Variants in UPF3A observed in about 807,000 individuals in gnomAD.
UPF3A encodes the protein UPF3A regulator of nonsense mediated mRNA decay, also known as regulator of nonsense transcripts 3A.
UPF3A carries 42 observed loss-of-function variants against 53.5 expected under a neutral mutation model. The ratio of observed to expected loss-of-function variants is 0.78; its 90% CI spans 0.61 to 1.01. The LOEUF is 1.01. UPF3A is among the 50% of genes least tolerant of loss of function. UPF3A has a pLI of 0.00. For synonymous variants in UPF3A, 237 were observed against 225.3 expected, an observed-to-expected ratio of 1.05 and a Z score of -0.47; for missense variants, 575 against 598.0, an observed-to-expected ratio of 0.96 and a Z score of 0.40.
chr13:114,286,377 C>T lies in UPF3A; in HGVS notation c.497C>T (p.Ala166Val), dbSNP rs1323495748. The T allele has an allele frequency of 6.2e-7, 1 of 1,614,040 alleles. No individual in the cohort carries two copies. Among genetic ancestry groups the T allele is most frequent in the Non-Finnish European group, 8.5e-7 (1 of 1,180,036 alleles). ...AAAAAGAAGCTGAGAAAAAAAGATG[C>T]CAAGACTGGAAGCATCGAAGATGGT... ...IAKKKLRKKDAKTGSIEDDPE... is the reference protein window; with the variant it reads ...IAKKKLRKKDVKTGSIEDDPE... Residue 166 changes from alanine to valine, a missense_variant, in exon 4 of 10, where the codon GCC becomes GTC. By Grantham distance (64) the Ala-to-Val change is moderately conservative (BLOSUM62 0). Around this residue, in one of 2 missense-constraint regions of UPF3A, gnomAD observed 323 missense variants for 415.2 expected, o/e 0.78. Transcript: ENST00000375299.
chr13:114,292,760 T>G (rs987504493), intron 7 of UPF3A, among the ~76,000 whole-genome samples: 1 of 152,166 alleles, frequency 6.6e-6, no homozygotes, highest in Non-Finnish European at 1.5e-5. Flanking sequence ...CTGATGTTTT[T>G]CAGTCTTCAC....
At chr13:114,284,779 G>C (rs758378565) in intron 3 of UPF3A, among the ~76,000 whole-genome samples, 2 of 152,096 alleles carry the variant, frequency 1.3e-5, no homozygotes, top group Non-Finnish European at 2.9e-5. Flanking sequence ...CCTGTAGTGA[G>C]CAAGGGGCCA....
intron 9 of UPF3A, among the ~76,000 whole-genome samples, chr13:114,302,431 C>T (rs949525492): frequency 7.9e-5 from 12 of 152,254 alleles, no homozygotes; most frequent in African/African-American, 2.2e-4. Flanking sequence ...TCTGCACGGA[C>T]GGTGAGCACA....
Position 114,298,990 on chromosome 13 carries a change from C to T in UPF3A, c.997C>T (p.Pro333Ser), listed in dbSNP as rs991010360. Residue 333 changes from proline (P) to serine (S), a missense_variant, in exon 8 of 10, where the codon CCC (proline) becomes TCC (serine). Around this residue, in one of 2 missense-constraint regions of UPF3A, gnomAD observed 323 missense variants for 415.2 expected, o/e 0.78. Transcript: ENST00000375299. ...GCCCATGGAAGGCTCGCTGGAGGAG[C>T]CCCAGGAGACGTGAGCGTGCTTTCA... ...ARPMEGSLEE[P>S]QETSHSGSDK... The T allele has an allele frequency of 1.3e-6, 2 of 1,597,440 alleles. No homozygotes were observed. Among genetic ancestry groups the T allele is most frequent in the Non-Finnish European group, 1.7e-6 (2 of 1,174,862 alleles).
Position 114,287,648 on chromosome 13 carries a change from GTC to G in UPF3A, c.631+1021_631+1022del, listed in dbSNP as rs2084852489. The G allele has an allele frequency of 2.6e-5, 4 of 152,098 alleles. No individual in the cohort carries two copies. The South Asian group carries it at 8.3e-4, about 32-fold the overall frequency. 9.4% of individuals were successfully genotyped at this position (152,098 alleles called of 1,614,324 possible). ...CACATTGTTTATCATTTATTTTCCT[GTC>G]TGTCTCCCACCACATAAACTCCCTT... is the stretch of plus-strand genomic sequence containing the variant. On this transcript the variant is annotated intron_variant, in intron 5 of 9. Coordinates refer to ENST00000375299, the MANE Select transcript of UPF3A (RefSeq NM_023011.4).
intron 8 of UPF3A, 50 bp downstream of exon 8, chr13:114,299,050 C>T (rs750549688): frequency 1.3e-5 from 20 of 1,515,366 alleles, no homozygotes; most frequent in Admixed American, 1.2e-4. Context: ...GTCATGGTGA[C>T]GTAGGCTTTG....
At chr13:114,284,708 A>G (rs908323390) in intron 3 of UPF3A, among the ~76,000 whole-genome samples, 16 of 152,146 alleles carry the variant, frequency 1.1e-4, no homozygotes, top group African/African-American at 3.6e-4. Context: ...CAAAAAAAAA[A>G]AAAGTCACAA....
rs79362298 is a variant in UPF3A at position 114,283,099 on chromosome 13, C to T, written c.421+156C>T. 4,421 of 576,360 alleles carry T rather than the reference C, an allele frequency of 7.7e-3. 78 individuals carry two copies. The highest frequency in any genetic ancestry group is 0.045 in the African/African-American group (2,400 of 52,806). The allele number at this position is 576,360 out of a possible 1,614,324, so 35.7% of individuals were successfully genotyped here. ...GTGCAGCAGCCGCAATCACGGCTCA[C>T]TGCAGCCTCACACTGCGGCTCAAGC... On this transcript the variant is annotated intron_variant, in intron 3 of 9. Transcript: ENST00000375299.
Position 114,298,496 on chromosome 13 carries a change from C to T in UPF3A, c.847-344C>T, listed in dbSNP as rs546921592. Among the ~76,000 whole-genome samples the T allele has an allele frequency of 4.6e-5, 7 of 152,174 alleles. No individual in the cohort carries two copies. The South Asian group carries it at 8.3e-4, about 18-fold the overall frequency. ...CGGAGGCTGCAGTGAGCCGGGAGTG[C>T]GCCACGGCACTTCAGCCTGGGCGAC... is the stretch of plus-strand genomic sequence containing the variant. On this transcript the variant is annotated intron_variant, in intron 7 of 9. Coordinates refer to ENST00000375299, the MANE Select transcript of UPF3A (RefSeq NM_023011.4).
Position 114,291,517 on chromosome 13 carries a change from T to C in UPF3A, c.660T>C (p.Tyr220=), listed in dbSNP as rs2085265974. 1.4e-5 allele frequency: 23 copies of C among 1,609,378 alleles called. No individual in the cohort carries two copies. The highest frequency in any genetic ancestry group is 1.9e-5 in the Non-Finnish European group (22 of 1,178,866). ...GAAGAACCACACCTCTTTTGGAATA[T>C]ATTAAAAATAGAAAATTAGAAAAGC... ...IARRTTPLLE[Y]IKNRKLEKQR... Residue 220 remains tyrosine, a synonymous_variant, in exon 6 of 10, where the codon TAT becomes TAC. Coordinates refer to ENST00000375299, the MANE Select transcript of UPF3A (RefSeq NM_023011.4).
chr13:114,302,346 G>A (rs766492340), intron 9 of UPF3A, among the ~76,000 whole-genome samples: 3 of 152,128 alleles, frequency 2.0e-5, no homozygotes, highest in Non-Finnish European at 4.4e-5. Flanking sequence ...TTTCATGGAG[G>A]TTTCTTCCAC....
chr13:114,282,394 C>T (rs1279109003), intron 2 of UPF3A: 15 of 1,217,512 alleles, frequency 1.2e-5, no homozygotes, highest in South Asian at 2.0e-5. Context: ...AAAGGACCAG[C>T]GTTGCCCGCC....
chr13:114,302,672 G>C (rs896903883), intron 9 of UPF3A, among the ~76,000 whole-genome samples: 1 of 152,166 alleles, frequency 6.6e-6, no homozygotes, highest in African/African-American at 2.4e-5. Context: ...CTGCCTCTGT[G>C]ATTTTGTCAT....
chr13:114,304,928 G>T lies in UPF3A; in HGVS notation c.*11G>T. ...GAAGAGGCAGAGTGAGTCACTGCAC[G>T]CACCTGGCCTCCATGGACGAGCAAG... is the stretch of plus-strand genomic sequence containing the variant. On this transcript the variant is annotated 3_prime_UTR_variant, in exon 10 of 10. Transcript: ENST00000375299. 1 of 1,610,476 alleles carries T rather than the reference G, an allele frequency of 6.2e-7. No homozygotes were observed. The highest frequency in any genetic ancestry group is 1.7e-5 in the Admixed American group (1 of 59,496).
chr13:114,291,518 A>G lies in UPF3A; in HGVS notation c.661A>G (p.Ile221Val). ...ARRTTPLLEY[I>V]KNRKLEKQRI... ...AAGAACCACACCTCTTTTGGAATAT[A>G]TTAAAAATAGAAAATTAGAAAAGCA... Residue 221 changes from isoleucine to valine, a missense_variant, in exon 6 of 10, where the codon ATT becomes GTT. Transcript: ENST00000375299. The G allele has an allele frequency of 1.2e-6, 2 of 1,609,628 alleles. No homozygotes were observed. Among genetic ancestry groups the G allele is most frequent in the Non-Finnish European group, 1.7e-6 (2 of 1,178,920 alleles).
chr13:114,295,031 G>C (rs2085728609), intron 7 of UPF3A, among the ~76,000 whole-genome samples: 7 of 149,930 alleles, frequency 4.7e-5, no homozygotes, highest in Middle Eastern at 3.5e-3. Flanking sequence ...AGAATGGCAT[G>C]AACCCGGGAG....
intron 7 of UPF3A, among the ~76,000 whole-genome samples, chr13:114,295,867 A>G (rs755013127): frequency 6.6e-5 from 10 of 152,166 alleles, no homozygotes; most frequent in Non-Finnish European, 1.3e-4. Flanking sequence ...AATCTGCAGT[A>G]ATATGAGTGT....
chr13:114,291,073 A>G (rs2085227038), intron 5 of UPF3A, among the ~76,000 whole-genome samples: 1 of 152,122 alleles, frequency 6.6e-6, no homozygotes, highest in Non-Finnish European at 1.5e-5. Flanking sequence ...CCAGAGTTGT[A>G]TGTCTTATCA....
At chr13:114,283,654 T>C (rs2084357917) in intron 3 of UPF3A, 2 of 548,610 alleles carry the variant, frequency 3.6e-6, no homozygotes, top group Non-Finnish European at 4.6e-6. Context: ...TTTATGATAA[T>C]GTCACCAGGA....
Sources: allele counts gnomAD v4.1 joint callset (sites outside exome capture counted in the v4.1 genomes callset), GRCh38; gene constraint gnomAD v4.1.1; regional missense constraint gnomAD v4.1.1; transcripts MANE v1.5; gene names NCBI Gene and HGNC (gene_info 2026-07-23, HGNC 2026-07-21).